GPC6: variants seen among roughly 807,000 people sequenced by gnomAD.
The protein encoded by GPC6 is glypican 6, also known as glypican-6.
GPC6 carries 14 observed loss-of-function variants against 55.2 expected under a neutral mutation model. The observed-to-expected ratio is 0.25, with a 90% CI of 0.17 to 0.40. The LOEUF (loss-of-function observed/expected upper bound fraction) is 0.40, where lower values mean the gene tolerates loss of function less well. GPC6 is among the 10% of genes least tolerant of loss of function. The probability of loss-of-function intolerance (pLI) is 1.00; values close to 1 mark genes in which losing one functional copy is unlikely to be tolerated. For synonymous variants in GPC6, 278 were observed against 259.6 expected, an observed-to-expected ratio of 1.07 and a Z score of -0.68; for missense variants, 641 against 708.5, an observed-to-expected ratio of 0.90 and a Z score of 1.08.
intron 4 of GPC6, among the ~76,000 whole-genome samples, chr13:94,160,195 G>A (rs1217526073): frequency 3.3e-5 from 5 of 152,066 alleles, no homozygotes; most frequent in African/African-American, 1.2e-4. Flanking sequence ...ATTAGTTATT[G>A]CTGTTAATCA....
At chr13:94,040,494 A>G (rs1883493313) in intron 4 of GPC6, among the ~76,000 whole-genome samples, 1 of 151,822 alleles carries the variant, frequency 6.6e-6, no homozygotes, top group African/African-American at 2.4e-5. Context: ...AATTTCCCCA[A>G]GCCTCCCTAG....
intron 6 of GPC6, among the ~76,000 whole-genome samples, chr13:94,366,147 G>T (rs1195032339): frequency 6.6e-6 from 1 of 152,184 alleles, no homozygotes; most frequent in Non-Finnish European, 1.5e-5. Flanking sequence ...TTCTCTATGA[G>T]TTTCCTAAGT....
chr13:93,625,562 G>A lies in GPC6; in HGVS notation c.319+80141G>A, dbSNP rs565806854. Among the ~76,000 whole-genome samples the A allele has an allele frequency of 2.0e-4, 31 of 152,268 alleles. No homozygotes were observed. The South Asian group carries it at 6.2e-3, about 31-fold the overall frequency. On this transcript the variant is annotated intron_variant, in intron 2 of 8. Transcript: ENST00000377047. The stretch of plus-strand genomic sequence containing the variant: ...AGGTAGGCTTGGAGCCTTCTGCGCA[G>A]GACAGGGCTCCCATCCTGTCCTTGA...
chr13:93,603,935 T>C (rs908743527), intron 2 of GPC6, among the ~76,000 whole-genome samples: 1 of 152,230 alleles, frequency 6.6e-6, no homozygotes, highest in African/African-American at 2.4e-5. Context: ...TCATTACTTG[T>C]ATTTCTTTGC....
At chr13:93,499,038 G>A (rs2139369280) in intron 1 of GPC6, among the ~76,000 whole-genome samples, 1 of 151,834 alleles carries the variant, frequency 6.6e-6, no homozygotes. Flanking sequence ...TTCTGGAAAT[G>A]TATTTGAGTA....
At chr13:93,559,982 G>A (rs1359310327) in intron 2 of GPC6, among the ~76,000 whole-genome samples, 1 of 152,140 alleles carries the variant, frequency 6.6e-6, no homozygotes, top group East Asian at 1.9e-4. Flanking sequence ...GGCATCACCT[G>A]CACACCTAAA....
intron 4 of GPC6, among the ~76,000 whole-genome samples, chr13:94,181,136 T>C (rs1888979380): frequency 6.6e-6 from 1 of 152,298 alleles, no homozygotes; most frequent in Admixed American, 6.5e-5. Context: ...TTCCCCCTTA[T>C]ACCAGGTAGC....
chr13:94,137,346 G>A (rs1887219307), intron 4 of GPC6, among the ~76,000 whole-genome samples: 1 of 152,170 alleles, frequency 6.6e-6, no homozygotes, highest in Non-Finnish European at 1.5e-5. Flanking sequence ...AGGGCCCAGG[G>A]TGAAATTTTG....
Position 93,470,243 on chromosome 13 carries a change from G to A in GPC6, c.161-75020G>A, listed in dbSNP as rs929893016. ...TCTTTCTTCATTAAATGACATTGTA[G>A]GTGTAGTGTTTTTGTGAATGTCATT... On this transcript the variant is annotated intron_variant, in intron 1 of 8. Coordinates refer to ENST00000377047, the MANE Select transcript of GPC6 (RefSeq NM_005708.5). 1.3e-4 allele frequency among the ~76,000 whole-genome samples: 20 copies of A among 151,946 alleles called. 1 individual carries two copies. In the South Asian group the frequency reaches 4.2e-3, roughly 32 times the overall value.
intron 1 of GPC6, among the ~76,000 whole-genome samples, chr13:93,295,703 G>A (rs745557391): frequency 6.6e-5 from 10 of 151,734 alleles, no homozygotes; most frequent in African/African-American, 2.2e-4. Flanking sequence ...GGATGGTCTC[G>A]ATCTCCTGAC....
chr13:93,651,968 C>T (rs532467553), intron 2 of GPC6, among the ~76,000 whole-genome samples: 1 of 152,204 alleles, frequency 6.6e-6, no homozygotes, highest in East Asian at 1.9e-4. Context: ...GGGCTGAGAA[C>T]CACTGGGCTA....
rs915977954 is a variant in GPC6 at position 93,431,755 on chromosome 13, G to A, written c.161-113508G>A. 2.6e-5 allele frequency among the ~76,000 whole-genome samples: 4 copies of A among 152,124 alleles called. No homozygotes were observed. In the South Asian group the frequency reaches 6.2e-4, roughly 24 times the overall value. On this transcript the variant is annotated intron_variant, in intron 1 of 8. Transcript: ENST00000377047. ...AAGGATGAGACAAATTTGGCACGCA[G>A]AAAAAGATGGACAACGTTGGCTTTG...
chr13:93,602,604 G>A (rs1017174948), intron 2 of GPC6, among the ~76,000 whole-genome samples: 1 of 151,530 alleles, frequency 6.6e-6, no homozygotes, highest in Admixed American at 6.6e-5. Context: ...GAGATAGAAA[G>A]AATTGTAGAG....
intron 5 of GPC6, among the ~76,000 whole-genome samples, chr13:94,293,498 G>T (rs972940456): frequency 2.0e-5 from 3 of 152,144 alleles, no homozygotes; most frequent in Admixed American, 2.0e-4. Flanking sequence ...CAGCCATGGG[G>T]AACTGTGAGT....
chr13:94,165,955 C>T (rs1232258550), intron 4 of GPC6, among the ~76,000 whole-genome samples: 1 of 152,060 alleles, frequency 6.6e-6, no homozygotes, highest in Admixed American at 6.6e-5. Context: ...TTTATACATA[C>T]AGAAGAGCTT....
chr13:93,949,564 C>G (rs1230444386), intron 3 of GPC6, among the ~76,000 whole-genome samples: 1 of 152,134 alleles, frequency 6.6e-6, no homozygotes, highest in Admixed American at 6.5e-5. Context: ...TCACCTTTAA[C>G]CTGACTTAAT....
intron 3 of GPC6, among the ~76,000 whole-genome samples, chr13:94,012,991 G>C (rs1009470945): frequency 7.2e-5 from 11 of 152,160 alleles, no homozygotes; most frequent in African/African-American, 2.7e-4. Context: ...TTTACATTCT[G>C]TGTGCACATA....
chr13:94,358,284 G>A (rs1486189243), intron 6 of GPC6, among the ~76,000 whole-genome samples: 8 of 133,418 alleles, frequency 6.0e-5, no homozygotes, highest in South Asian at 2.4e-4. Flanking sequence ...GCAAGACTCC[G>A]TCAAAAAAAA....
chr13:93,963,991 C>T (rs971889435), intron 3 of GPC6, among the ~76,000 whole-genome samples: 1 of 152,106 alleles, frequency 6.6e-6, no homozygotes, highest in Non-Finnish European at 1.5e-5. Flanking sequence ...TTCATCCTTT[C>T]TAATGACTCA....
Sources: allele counts gnomAD v4.1 joint callset (sites outside exome capture counted in the v4.1 genomes callset), GRCh38; gene constraint gnomAD v4.1.1; transcripts MANE v1.5; gene names NCBI Gene and HGNC (gene_info 2026-07-23, HGNC 2026-07-21).